Variants in LPGAT1 observed in about 807,000 individuals in gnomAD.
The protein encoded by LPGAT1 is acyl-CoA:lysophosphatidylglycerol acyltransferase 1.
LPGAT1 carries 11 observed loss-of-function variants against 47.5 expected under a neutral mutation model. The observed-to-expected ratio is 0.23, with a 90% CI of 0.15 to 0.38. The LOEUF (loss-of-function observed/expected upper bound fraction) is 0.38. LPGAT1 is among the 10% of genes least tolerant of loss of function. The pLI is 1.00. For missense variants in LPGAT1, 293 were observed against 439.0 expected (o/e 0.67, Z 2.97); for synonymous variants, 138 against 144.2 (o/e 0.96, Z 0.31).
chr1:211,750,260 A>G (rs1476336945), intron 7 of LPGAT1, among the ~76,000 whole-genome samples: 2 of 152,162 alleles, frequency 1.3e-5, no homozygotes, highest in Non-Finnish European at 2.9e-5. Context: ...CTCTGCCTGC[A>G]ATGCTGTCCT....
intron 6 of LPGAT1, among the ~76,000 whole-genome samples, chr1:211,777,186 T>C (rs1658438720): frequency 6.6e-6 from 1 of 152,148 alleles, no homozygotes; most frequent in Non-Finnish European, 1.5e-5. Context: ...ATAGACACTA[T>C]TCCTGGGAGC....
Position 211,744,019 on chromosome 1 carries a change from T to C in LPGAT1, c.*5880A>G, listed in dbSNP as rs1344701274. ...GAAATGAAAAGTATAAAGACAACTT[T>C]AGAAATATGCAAGCTTCCCATGTAT... is the stretch of plus-strand genomic sequence containing the variant. On this transcript the variant is annotated 3_prime_UTR_variant, in exon 8 of 8. Transcript: ENST00000366997. 1.3e-5 allele frequency: 2 copies of C among 152,218 alleles called. No individual in the cohort carries two copies. Among genetic ancestry groups the C allele is most frequent in the African/African-American group, 4.8e-5 (2 of 41,450 alleles). The allele number at this position is 152,218 out of a possible 1,614,324, so 9.4% of individuals were successfully genotyped here.
intron 2 of LPGAT1, among the ~76,000 whole-genome samples, chr1:211,802,581 C>T (rs375489404): frequency 4.0e-5 from 6 of 151,120 alleles, no homozygotes; most frequent in Admixed American, 1.3e-4. Flanking sequence ...ATAGAAAAAC[C>T]GAGAGATAAA....
intron 3 of LPGAT1, among the ~76,000 whole-genome samples, chr1:211,790,698 C>T (rs1659075217): frequency 6.6e-6 from 1 of 152,070 alleles, no homozygotes; most frequent in Admixed American, 6.6e-5. Flanking sequence ...CCTAGCCTAA[C>T]TAACTTAAAT....
intron 5 of LPGAT1, among the ~76,000 whole-genome samples, chr1:211,782,348 T>C (rs1295478505): frequency 6.6e-6 from 1 of 152,244 alleles, no homozygotes; most frequent in Non-Finnish European, 1.5e-5. Flanking sequence ...TTATTTCCTT[T>C]TGATAAATAT....
intron 2 of LPGAT1, among the ~76,000 whole-genome samples, chr1:211,795,389 C>T (rs1010296168): frequency 5.3e-5 from 8 of 152,072 alleles, no homozygotes; most frequent in East Asian, 1.9e-4. Context: ...GTTTTTGAGA[C>T]GGAGTTTCGC....
At position 211,744,532 on chromosome 1, in the gene LPGAT1, T is replaced by G. The variant is rs1656865567; in HGVS notation, c.*5367A>C. ...GAAAGACAATCAATCATAGGTTGAC[T>G]GTAGGAGTTGAGCAAAAAGCAATTA... On this transcript the variant is annotated 3_prime_UTR_variant, in exon 8 of 8. Transcript: ENST00000366997. The G allele has an allele frequency of 6.6e-6, 1 of 152,224 alleles. No individual in the cohort carries two copies. The highest frequency in any genetic ancestry group is 2.4e-5 in the African/African-American group (1 of 41,468). The allele number at this position is 152,224 out of a possible 1,614,324, so 9.4% of individuals were successfully genotyped here. A position where few individuals can be genotyped will look rare whatever the true frequency, so the allele number is the denominator to read the frequency against.
At chr1:211,783,094 A>G in intron 5 of LPGAT1, 135 bp downstream of exon 5, 1 of 819,638 alleles carries the variant, frequency 1.2e-6, no homozygotes, top group Non-Finnish European at 1.8e-6. Context: ...AACTTTTTTA[A>G]AAAATTACAG....
At position 211,793,053 on chromosome 1, in the gene LPGAT1, T is replaced by C; in HGVS notation, c.357+19A>G. On this transcript the variant is annotated intron_variant, in intron 3 of 7. Coordinates refer to ENST00000366997, the MANE Select transcript of LPGAT1 (RefSeq NM_014873.3). The stretch of plus-strand genomic sequence containing the variant: ...CCTTCCTTTCTGGATGTCTATCTAC[T>C]GCCTTCAGGGTAGCTTACCAGTCCT... 1 of 1,521,938 alleles carries C rather than the reference T, an allele frequency of 6.6e-7. No homozygotes were observed. The highest frequency in any genetic ancestry group is 9.0e-7 in the Non-Finnish European group (1 of 1,112,572). The allele number at this position is 1,521,938 out of a possible 1,614,324, so 94.3% of individuals were successfully genotyped here.
chr1:211,787,609 G>A (rs1344004607), intron 4 of LPGAT1, 23 bp downstream of exon 4: 3 of 1,326,120 alleles, frequency 2.3e-6, no homozygotes, highest in Non-Finnish European at 3.2e-6. Context: ...TATCACTGCG[G>A]GGAAAAAGTG....
At chr1:211,775,623 G>A (rs1658361395) in intron 6 of LPGAT1, among the ~76,000 whole-genome samples, 1 of 151,982 alleles carries the variant, frequency 6.6e-6, no homozygotes, top group African/African-American at 2.4e-5. Flanking sequence ...TTTCAACTGG[G>A]AGTTTCTCTT....
At position 211,784,586 on chromosome 1, in the gene LPGAT1, A is replaced by C. The variant is rs559940255; in HGVS notation, c.454-1084T>G. On this transcript the variant is annotated intron_variant, in intron 4 of 7. Coordinates refer to ENST00000366997, the MANE Select transcript of LPGAT1 (RefSeq NM_014873.3). ...AGTTAGAAGACTTGCAGTATTCCACACAAGGGAATTTGATGAGATTCAATT... is the reference window on the plus strand; with the variant it reads ...AGTTAGAAGACTTGCAGTATTCCACCCAAGGGAATTTGATGAGATTCAATT... Among the ~76,000 whole-genome samples, 8 of 152,144 alleles carry C rather than the reference A, an allele frequency of 5.3e-5. No homozygotes were observed. In the South Asian group the frequency reaches 1.7e-3, roughly 32 times the overall value.
intron 2 of LPGAT1, among the ~76,000 whole-genome samples, chr1:211,815,973 G>A (rs1180825633): frequency 6.6e-6 from 1 of 151,682 alleles, no homozygotes; most frequent in Non-Finnish European, 1.5e-5. Flanking sequence ...AGTAGAGACG[G>A]GGTTTCACCG....
At chr1:211,793,242 T>A (rs1224683313) in intron 2 of LPGAT1, 52 bp from the exon 3 acceptor site, 1 of 1,163,390 alleles carries the variant, frequency 8.6e-7, no homozygotes, top group South Asian at 1.3e-5. Context: ...TTTTATATTA[T>A]CACAAACCTT....
intron 2 of LPGAT1, among the ~76,000 whole-genome samples, chr1:211,821,664 A>C (rs1011921788): frequency 1.3e-5 from 2 of 152,192 alleles, no homozygotes; most frequent in African/African-American, 4.8e-5. Flanking sequence ...CGCTATTTTA[A>C]ATAAATATTA....
chr1:211,818,437 T>A (rs1271896858), intron 2 of LPGAT1, among the ~76,000 whole-genome samples: 2 of 152,162 alleles, frequency 1.3e-5, no homozygotes, highest in Non-Finnish European at 2.9e-5. Flanking sequence ...TTCTCAAGAA[T>A]AGCTGGAAAT....
intron 6 of LPGAT1, among the ~76,000 whole-genome samples, chr1:211,769,672 C>G (rs1365703565): frequency 1.3e-5 from 2 of 152,124 alleles, no homozygotes; most frequent in Admixed American, 6.5e-5. Context: ...ATTCATGCCT[C>G]CCCTTTTAGA....
At chr1:211,780,889 T>C (rs1358535919) in intron 5 of LPGAT1, among the ~76,000 whole-genome samples, 2 of 65,500 alleles carry the variant, frequency 3.1e-5, no homozygotes, top group Non-Finnish European at 5.5e-5. Context: ...TCAACTCTTA[T>C]GTATGTTTGA....
At chr1:211,782,028 C>G (rs10158561) in intron 5 of LPGAT1, among the ~76,000 whole-genome samples, 51,808 of 151,958 alleles carry the variant, frequency 0.34, 10,505 homozygotes, top group East Asian at 0.72. Flanking sequence ...AAAGCAATCA[C>G]TGCTAACATT....
Sources: gnomAD v4.1 joint callset for allele counts (sites outside exome capture counted in the v4.1 genomes callset) on GRCh38, gnomAD v4.1.1 for gene constraint, MANE v1.5 for transcripts, NCBI Gene and HGNC (gene_info 2026-07-23, HGNC 2026-07-21) for gene names.